Variants in AGBL1 observed in about 807,000 individuals in gnomAD.
AGBL1 encodes the protein AGBL carboxypeptidase 1, also known as cytosolic carboxypeptidase 4.
AGBL1 carries 130 observed loss-of-function variants against 118.9 expected under a neutral mutation model. That is an observed-to-expected ratio of 1.09 (90% CI 0.95 to 1.26). The LOEUF (loss-of-function observed/expected upper bound fraction) is 1.26, where lower values mean the gene tolerates loss of function less well. Ranked by LOEUF, AGBL1 falls within the 50% of genes most tolerant of loss-of-function variation. The pLI, the probability that AGBL1 is intolerant of heterozygous loss-of-function variation, is 0.00. For synonymous variants in AGBL1, 555 were observed against 478.9 expected, an observed-to-expected ratio of 1.16 and a Z score of -2.08; for missense variants, 1,584 against 1,298.1, an observed-to-expected ratio of 1.22 and a Z score of -3.38.
chr15:86,603,437 C>T (rs1340608435), intron 21 of AGBL1, among the ~76,000 whole-genome samples: 1 of 152,102 alleles, frequency 6.6e-6, no homozygotes, highest in African/African-American at 2.4e-5. Context: ...ACCCCCGCCC[C>T]CTACCATCTC....
intron 20 of AGBL1, 46 bp downstream of exon 20, chr15:86,546,179 C>T: frequency 2.6e-6 from 4 of 1,543,396 alleles, no homozygotes; most frequent in Non-Finnish European, 3.5e-6. Flanking sequence ...TGTTCATATT[C>T]TTCATTCTTA....
chr15:86,109,819 T>C (rs1897256472), intron 1 of AGBL1: 1 of 152,282 alleles, frequency 6.6e-6, no homozygotes, highest in African/African-American at 2.4e-5. Context: ...TCGTGGGACC[T>C]TCCTGTTATG....
At chr15:86,196,580 C>T (rs1456543163) in intron 5 of AGBL1, among the ~76,000 whole-genome samples, 1 of 152,004 alleles carries the variant, frequency 6.6e-6, no homozygotes, top group African/African-American at 2.4e-5. Context: ...TGGGTAATAC[C>T]TGCACAAAAT....
intron 6 of AGBL1, among the ~76,000 whole-genome samples, chr15:86,245,259 C>T (rs2078701705): frequency 6.6e-6 from 1 of 152,166 alleles, no homozygotes; most frequent in Non-Finnish European, 1.5e-5. Context: ...CATATGCACT[C>T]ACATGGTCTT....
chr15:86,571,432 GC>G (rs2084004756), intron 21 of AGBL1, among the ~76,000 whole-genome samples: 1 of 152,102 alleles, frequency 6.6e-6, no homozygotes, highest in Non-Finnish European at 1.5e-5. Flanking sequence ...AGCTCAGAGG[GC>G]CCACAGTAGG....
chr15:86,675,028 G>A (rs149087386), intron 22 of AGBL1, among the ~76,000 whole-genome samples: 9 of 152,260 alleles, frequency 5.9e-5, no homozygotes, highest in South Asian at 2.1e-4. Context: ...CAAATGAGCC[G>A]TTTTGATGTT....
chr15:86,413,109 A>G (rs2081644670), intron 18 of AGBL1, among the ~76,000 whole-genome samples: 1 of 152,200 alleles, frequency 6.6e-6, no homozygotes, highest in Admixed American at 6.5e-5. Flanking sequence ...AAGTTATAGA[A>G]TTCTGTAATG....
chr15:86,898,134 GA>G (rs932665334), intron 22 of AGBL1, among the ~76,000 whole-genome samples: 4 of 151,946 alleles, frequency 2.6e-5, no homozygotes, highest in Non-Finnish European at 5.9e-5. Context: ...AAAATAGCAG[GA>G]AAAAACTTCT....
chr15:86,855,568 A>G (rs181449126), intron 22 of AGBL1, among the ~76,000 whole-genome samples: 5 of 152,220 alleles, frequency 3.3e-5, no homozygotes, highest in East Asian at 1.9e-4. Context: ...CCCAGCCACA[A>G]TAAGAAGCAG....
intron 16 of AGBL1, among the ~76,000 whole-genome samples, chr15:86,292,599 C>T (rs535785980): frequency 3.9e-5 from 6 of 152,232 alleles, no homozygotes; most frequent in African/African-American, 1.4e-4. Context: ...TTACTAGTGT[C>T]TCAAAGGGCA....
At chr15:86,270,504 AT>A (rs2079142818) in intron 14 of AGBL1, among the ~76,000 whole-genome samples, 1 of 152,030 alleles carries the variant, frequency 6.6e-6, no homozygotes, top group East Asian at 1.9e-4. Flanking sequence ...ACCCGTGGCC[AT>A]TTTGGAGGAG....
intron 22 of AGBL1, among the ~76,000 whole-genome samples, chr15:86,786,309 G>T (rs113712225): frequency 6.6e-6 from 1 of 151,804 alleles, no homozygotes; most frequent in Non-Finnish European, 1.5e-5. Flanking sequence ...GATTCTTCCG[G>T]GACTAACACT....
intron 22 of AGBL1, among the ~76,000 whole-genome samples, chr15:86,882,820 A>G (rs2079915129): frequency 6.6e-6 from 1 of 152,192 alleles, no homozygotes; most frequent in Admixed American, 6.5e-5. Context: ...TCTTTATTAA[A>G]AAAACTAGAC....
chr15:86,380,816 T>G (rs1340554321), intron 17 of AGBL1, among the ~76,000 whole-genome samples: 2 of 152,214 alleles, frequency 1.3e-5, no homozygotes, highest in African/African-American at 4.8e-5. Flanking sequence ...TGGAGCCACA[T>G]CTCTTAATGG....
At chr15:86,851,810 T>C (rs1387848777) in intron 22 of AGBL1, among the ~76,000 whole-genome samples, 1 of 152,114 alleles carries the variant, frequency 6.6e-6, no homozygotes, top group Non-Finnish European at 1.5e-5. Context: ...GCAGGAGATA[T>C]TCTCCACGAG....
At chr15:86,122,828 C>T (rs1379994754) in intron 1 of AGBL1, among the ~76,000 whole-genome samples, 1 of 152,144 alleles carries the variant, frequency 6.6e-6, no homozygotes, top group African/African-American at 2.4e-5. Context: ...GAACATGTCT[C>T]ATTATACCCT....
rs551832338 is a variant in AGBL1 at position 86,355,607 on chromosome 15, CTG to C, written c.2375-41755_2375-41754del. On this transcript the variant is annotated intron_variant, in intron 17 of 22. Coordinates refer to ENST00000614907, the MANE Select transcript of AGBL1 (RefSeq NM_001386094.1). ...TCCAGCCAATATTATATGTATGTAT[CTG>C]TGTTTATGTGTCTCTAGTATATATA... Among the ~76,000 whole-genome samples the C allele has an allele frequency of 2.0e-3, 301 of 152,314 alleles. 1 individual carries two copies. The highest frequency in any genetic ancestry group is 7.0e-3 in the African/African-American group (289 of 41,560).
At chr15:86,249,038 C>T (rs1567154191) in intron 7 of AGBL1, among the ~76,000 whole-genome samples, 1 of 152,152 alleles carries the variant, frequency 6.6e-6, no homozygotes, top group East Asian at 1.9e-4. Flanking sequence ...AATATGCATT[C>T]TAGGGATTCC....
intron 6 of AGBL1, among the ~76,000 whole-genome samples, chr15:86,235,269 G>A (rs2078521173): frequency 6.6e-6 from 1 of 152,046 alleles, no homozygotes; most frequent in African/African-American, 2.4e-5. Context: ...ACTCTAATGT[G>A]TTTTATAGAG....
Sources: gnomAD v4.1 joint callset for allele counts (sites outside exome capture counted in the v4.1 genomes callset) on GRCh38, gnomAD v4.1.1 for gene constraint, MANE v1.5 for transcripts, NCBI Gene and HGNC (gene_info 2026-07-23, HGNC 2026-07-21) for gene names.